Variants in NOVA1 observed in about 807,000 individuals in gnomAD.
NOVA1 encodes RNA-binding protein Nova-1.
Under a neutral mutation model 38.0 loss-of-function variants are expected in NOVA1, and 7 were observed. The ratio of observed to expected loss-of-function variants is 0.18; its 90% CI spans 0.10 to 0.35. NOVA1 has a LOEUF of 0.35. Ranked by LOEUF, NOVA1 falls within the 10% of genes least tolerant of loss-of-function variation. The pLI is 1.00. For missense variants in NOVA1, 460 were observed against 616.0 expected, an observed-to-expected ratio of 0.75 and a Z score of 2.68; for synonymous variants, 270 against 232.5, an observed-to-expected ratio of 1.16 and a Z score of -1.47.
intron 2 of NOVA1, among the ~76,000 whole-genome samples, chr14:26,558,790 A>C (rs533145329): frequency 1.3e-5 from 2 of 152,268 alleles, no homozygotes; most frequent in South Asian, 4.1e-4. Flanking sequence ...CCTTAGACAT[A>C]ACAATATTGA....
intron 4 of NOVA1, among the ~76,000 whole-genome samples, chr14:26,469,212 A>G (rs1298177046): frequency 6.6e-6 from 1 of 152,200 alleles, no homozygotes; most frequent in Admixed American, 6.5e-5. Context: ...TAGTTCTTAT[A>G]ACGTTTCTTC....
chr14:26,478,875 G>T (rs1196410694), intron 3 of NOVA1: 1 of 151,668 alleles, frequency 6.6e-6, no homozygotes, highest in Non-Finnish European at 1.5e-5. Flanking sequence ...TTTTAAAAAA[G>T]TAATTAGTAT....
intron 2 of NOVA1, among the ~76,000 whole-genome samples, chr14:26,562,052 T>G (rs954361787): frequency 6.6e-6 from 1 of 152,220 alleles, no homozygotes; most frequent in South Asian, 2.1e-4. Flanking sequence ...TGAATATTTA[T>G]AAGCTGCTAG....
intron 2 of NOVA1, among the ~76,000 whole-genome samples, chr14:26,524,888 G>T (rs567050936): frequency 1.3e-5 from 2 of 152,212 alleles, no homozygotes; most frequent in South Asian, 4.1e-4. Context: ...GTGGAACAGG[G>T]TATTACAATC....
intron 2 of NOVA1, among the ~76,000 whole-genome samples, chr14:26,504,605 G>C (rs1013308367): frequency 6.6e-5 from 10 of 152,110 alleles, no homozygotes; most frequent in African/African-American, 1.9e-4. Context: ...CCTATATTAT[G>C]CTTTTGTAAA....
chr14:26,507,607 C>A (rs1887740687), intron 2 of NOVA1, among the ~76,000 whole-genome samples: 1 of 152,044 alleles, frequency 6.6e-6, no homozygotes, highest in Non-Finnish European at 1.5e-5. Flanking sequence ...TTCAAATAGC[C>A]TTAGTTTACT....
chr14:26,448,767 T>C lies in NOVA1; in HGVS notation c.716A>G (p.Gln239Arg), dbSNP rs1267629881. ...QNRKAVELIIQKIQEDPQSGS... is the reference protein window; with the variant it reads ...QNRKAVELIIRKIQEDPQSGS... ...ACTTTGTGGATCCTCTTGTATCTTC[T>C]GGATGATAAGTTCAACAGCTTTTCG... is the stretch of plus-strand genomic sequence containing the variant. Residue 239 changes from glutamine (Q) to arginine (R), a missense_variant, in exon 5 of 5, where the codon CAG becomes CGG. Transcript: ENST00000539517. This position sits in a 1 kb window ranked among gnomAD's most constrained non-coding sequence, Gnocchi z 5.3. 1.9e-6 allele frequency: 3 copies of C among 1,614,082 alleles called. No homozygotes were observed. The highest frequency in any genetic ancestry group is 2.5e-6 in the Non-Finnish European group (3 of 1,180,042).
intron 2 of NOVA1, among the ~76,000 whole-genome samples, chr14:26,507,319 G>T (rs961338494): frequency 6.6e-6 from 1 of 151,966 alleles, no homozygotes. Context: ...TGGCATGGCT[G>T]ATTTCTGAAA....
intron 2 of NOVA1, among the ~76,000 whole-genome samples, chr14:26,550,374 C>T (rs975542734): frequency 2.6e-5 from 4 of 152,146 alleles, no homozygotes; most frequent in Non-Finnish European, 5.9e-5. Context: ...AATTAGTCCT[C>T]AACAACTACT....
intron 4 of NOVA1, among the ~76,000 whole-genome samples, chr14:26,468,160 C>T (rs1594348817): frequency 6.6e-6 from 1 of 152,246 alleles, no homozygotes; most frequent in African/African-American, 2.4e-5. Context: ...TGGAGAGATT[C>T]TCCTACTGGC....
intron 4 of NOVA1, among the ~76,000 whole-genome samples, chr14:26,462,710 C>T (rs1883785886): frequency 6.6e-6 from 1 of 152,134 alleles, no homozygotes; most frequent in Non-Finnish European, 1.5e-5. Flanking sequence ...GAAGCCTCTC[C>T]CCAGTGAGTC....
chr14:26,585,218 T>C lies in NOVA1; in HGVS notation c.280+10192A>G, dbSNP rs555641722. On this transcript the variant is annotated intron_variant, in intron 2 of 4. Coordinates refer to ENST00000539517, the MANE Select transcript of NOVA1 (RefSeq NM_002515.3). The stretch of plus-strand genomic sequence containing the variant: ...TTAAATTGCATATATTTACAAAGTA[T>C]GTAAAGACTCCGAAATATCCCAAAC... Among the ~76,000 whole-genome samples the C allele has an allele frequency of 1.5e-3, 229 of 151,404 alleles. 3 individuals carry two copies. Among genetic ancestry groups the C allele is most frequent in the Non-Finnish European group, 3.0e-3 (205 of 67,462 alleles).
chr14:26,480,102 C>T lies in NOVA1; in HGVS notation c.322G>A (p.Ala108Thr), dbSNP rs754574956. 2 of 1,613,982 alleles carry T rather than the reference C, an allele frequency of 1.2e-6. No homozygotes were observed. Among genetic ancestry groups the T allele is most frequent in the Non-Finnish European group, 1.7e-6 (2 of 1,179,922 alleles). Residue 108 changes from alanine to threonine, a missense_variant, in exon 3 of 5, where the codon GCA becomes ACA. Ala to Thr is a moderately conservative substitution (Grantham distance 58, BLOSUM62 0). Transcript: ENST00000539517. ...RVCLIQGTVE[A>T]LNAVHGFIAE... Reference sequence around the variant, plus strand: ...ATGAATCCATGAACTGCATTCAGTGCTTCAACCGTTCCCTGGATCAAGCAC... The same window carrying T: ...ATGAATCCATGAACTGCATTCAGTGTTTCAACCGTTCCCTGGATCAAGCAC...
rs1279640804 is a variant in NOVA1, at chr14:26,447,361, G to T, written c.*598C>A. On this transcript the variant is annotated 3_prime_UTR_variant, in exon 5 of 5. Coordinates refer to ENST00000539517, the MANE Select transcript of NOVA1 (RefSeq NM_002515.3). Reference sequence around the variant, plus strand: ...ATTGTCTAGTTCAGATGGAGAACAGGTGCTTTTATTGATCTGTAAACTTAC... The same window carrying T: ...ATTGTCTAGTTCAGATGGAGAACAGTTGCTTTTATTGATCTGTAAACTTAC... 1 of 153,372 alleles carries T rather than the reference G, an allele frequency of 6.5e-6. No individual in the cohort carries two copies. The highest frequency in any genetic ancestry group is 2.4e-5 in the African/African-American group (1 of 41,468). The allele number at this position is 153,372 out of a possible 1,614,324, so 9.5% of individuals were successfully genotyped here. A position where few individuals can be genotyped will look rare whatever the true frequency, so the allele number is the denominator to read the frequency against.
At chr14:26,595,225 AG>A (rs1224344086) in intron 2 of NOVA1, among the ~76,000 whole-genome samples, 184 bp downstream of exon 2, 1 of 152,212 alleles carries the variant, frequency 6.6e-6, no homozygotes, top group Non-Finnish European at 1.5e-5. Flanking sequence ...CAACAATTAT[AG>A]GAAAAAGGCA....
At chr14:26,473,058 C>T (rs181980111) in intron 3 of NOVA1, among the ~76,000 whole-genome samples, 168 of 151,812 alleles carry the variant, frequency 1.1e-3, no homozygotes, top group Admixed American at 1.8e-3. Context: ...AACAAATCAT[C>T]ATAATATTTT....
intron 2 of NOVA1, among the ~76,000 whole-genome samples, chr14:26,521,506 T>C (rs1888892640): frequency 6.6e-6 from 1 of 152,138 alleles, no homozygotes; most frequent in Non-Finnish European, 1.5e-5. Flanking sequence ...TTAAATGGTA[T>C]GAGAAAACTA....
At chr14:26,500,642 CAG>C (rs1253399650) in intron 2 of NOVA1, among the ~76,000 whole-genome samples, 2 of 151,782 alleles carry the variant, frequency 1.3e-5, no homozygotes, top group Non-Finnish European at 2.9e-5. Flanking sequence ...AGAAGAAAAA[CAG>C]ATAAAAGTTG....
At chr14:26,577,132 A>G (rs1892908011) in intron 2 of NOVA1, among the ~76,000 whole-genome samples, 1 of 152,016 alleles carries the variant, frequency 6.6e-6, no homozygotes, top group African/African-American at 2.4e-5. Context: ...GGCTTATTTC[A>G]TTTGGCATAA....
Sources: gnomAD v4.1 joint callset for allele counts (sites outside exome capture counted in the v4.1 genomes callset) on GRCh38, gnomAD v4.1.1 for gene constraint, Gnocchi (gnomAD v3.1) non-coding constraint, MANE v1.5 for transcripts, NCBI Gene and HGNC (gene_info 2026-07-23, HGNC 2026-07-21) for gene names.